The following SLC4A4 variants were observed in gnomAD, a reference collection of about 807,000 sequenced individuals.
The protein encoded by SLC4A4 is electrogenic sodium bicarbonate cotransporter 1.
In SLC4A4, 27 loss-of-function variants were observed where a neutral mutation model predicts 111.5. That is an observed-to-expected ratio of 0.24 (90% CI 0.18 to 0.33). The LOEUF (loss-of-function observed/expected upper bound fraction) is 0.33, where lower values mean the gene tolerates loss of function less well. Ranked by LOEUF, SLC4A4 falls within the 10% of genes least tolerant of loss-of-function variation. The pLI, the probability that SLC4A4 is intolerant of heterozygous loss-of-function variation, is 1.00. For synonymous variants in SLC4A4, 443 were observed against 463.4 expected (o/e 0.96, Z 0.57); for missense variants, 909 against 1,315.5 (o/e 0.69, Z 4.78).
chr4:71,320,651 T>C (rs1727049347), intron 3 of SLC4A4, among the ~76,000 whole-genome samples: 1 of 152,050 alleles, frequency 6.6e-6, no homozygotes, highest in African/African-American at 2.4e-5. Flanking sequence ...TTTGAGCTTA[T>C]GCAGGTCTTA....
chr4:71,453,700 G>T (rs759419434), intron 12 of SLC4A4, 31 bp downstream of exon 12: 2 of 1,610,444 alleles, frequency 1.2e-6, no homozygotes, highest in East Asian at 2.2e-5. Flanking sequence ...GACACAAATA[G>T]TACAGCCCAG....
At chr4:71,367,154 G>A (rs1731410708) in intron 6 of SLC4A4, among the ~76,000 whole-genome samples, 1 of 152,208 alleles carries the variant, frequency 6.6e-6, no homozygotes, top group South Asian at 2.1e-4. Context: ...TACACTGACA[G>A]GTTGAGGGGA....
intron 2 of SLC4A4, among the ~76,000 whole-genome samples, chr4:71,153,033 G>GTGTGTATATATATATATA (rs386400441): frequency 7.8e-4 from 103 of 132,704 alleles, no homozygotes; most frequent in African/African-American, 2.5e-3. Flanking sequence ...ATATGTGTGT[G>GTGTGTATATATATATATA]TATATATATA....
chr4:71,510,815 CTT>C (rs548938670), intron 16 of SLC4A4, among the ~76,000 whole-genome samples: 11 of 151,768 alleles, frequency 7.2e-5, no homozygotes, highest in African/African-American at 2.7e-4. Flanking sequence ...TGTTGTTTTC[CTT>C]TGTGATTAGA....
intron 23 of SLC4A4, among the ~76,000 whole-genome samples, chr4:71,562,794 C>CT (rs1394953851): frequency 6.7e-6 from 1 of 150,322 alleles, no homozygotes; most frequent in Non-Finnish European, 1.5e-5. Context: ...ATTTTTTTTT[C>CT]TTTTTTGCTC....
intron 2 of SLC4A4, among the ~76,000 whole-genome samples, chr4:71,128,989 A>G (rs1380438323): frequency 6.6e-6 from 1 of 152,144 alleles, no homozygotes; most frequent in Non-Finnish European, 1.5e-5. Flanking sequence ...ACTTAAATGT[A>G]AGGCCTAAAA....
At chr4:71,433,194 T>A (rs72852201) in intron 7 of SLC4A4, among the ~76,000 whole-genome samples, 1,710 of 151,784 alleles carry the variant, frequency 0.011, 31 homozygotes, top group African/African-American at 0.039. Context: ...AGCTTACTAG[T>A]ATTTCACTGC....
intron 2 of SLC4A4, among the ~76,000 whole-genome samples, chr4:71,093,608 A>T (rs1336339192): frequency 6.6e-6 from 1 of 152,222 alleles, no homozygotes. Context: ...TAGCTTCAGC[A>T]ATTTAAACTC....
intron 1 of SLC4A4, among the ~76,000 whole-genome samples, chr4:71,212,370 C>T (rs1311029968): frequency 6.6e-6 from 1 of 152,122 alleles, no homozygotes; most frequent in African/African-American, 2.4e-5. Context: ...TGGATCTAGG[C>T]AGAATTATGT....
At chr4:71,535,273 A>G (rs1734316942) in intron 18 of SLC4A4, among the ~76,000 whole-genome samples, 3 of 152,200 alleles carry the variant, frequency 2.0e-5, no homozygotes, top group Admixed American at 2.0e-4. Flanking sequence ...CACAGTAGGT[A>G]TAGCAGGAAA....
At chr4:71,172,646 G>T (rs536129749) in intron 2 of SLC4A4, among the ~76,000 whole-genome samples, 1 of 152,346 alleles carries the variant, frequency 6.6e-6, no homozygotes, top group African/African-American at 2.4e-5. Context: ...AGATATGTTG[G>T]CCTTTGCCAC....
chr4:71,217,500 T>C (rs1383983341), intron 1 of SLC4A4, among the ~76,000 whole-genome samples: 2 of 152,012 alleles, frequency 1.3e-5, no homozygotes, highest in African/African-American at 4.8e-5. Flanking sequence ...GAGGTGGAGA[T>C]TGTCATGAGC....
intron 8 of SLC4A4, among the ~76,000 whole-genome samples, chr4:71,446,783 TA>T (rs1317494216): frequency 6.6e-6 from 1 of 152,258 alleles, no homozygotes; most frequent in African/African-American, 2.4e-5. Context: ...AGGTGGGATT[TA>T]TCCCACGTCA....
intron 20 of SLC4A4, among the ~76,000 whole-genome samples, chr4:71,554,389 CAGT>C (rs1736286016): frequency 6.6e-6 from 1 of 151,764 alleles, no homozygotes; most frequent in East Asian, 1.9e-4. Flanking sequence ...TTAGTTTCCT[CAGT>C]ACTAGGGACA....
chr4:71,464,228 G>A (rs778854709), intron 12 of SLC4A4, among the ~76,000 whole-genome samples: 1 of 152,168 alleles, frequency 6.6e-6, no homozygotes, highest in Non-Finnish European at 1.5e-5. Context: ...GTCTGGTTGG[G>A]CAAGTACATA....
At chr4:71,363,336 T>C (rs1730969862) in intron 6 of SLC4A4, among the ~76,000 whole-genome samples, 1 of 152,214 alleles carries the variant, frequency 6.6e-6, no homozygotes, top group Admixed American at 6.5e-5. Flanking sequence ...TGGTTTGATA[T>C]TAGATCCAGA....
intron 15 of SLC4A4, among the ~76,000 whole-genome samples, chr4:71,491,732 T>A (rs1432620411): frequency 6.6e-6 from 1 of 151,906 alleles, no homozygotes; most frequent in Non-Finnish European, 1.5e-5. Flanking sequence ...AGCTCACATT[T>A]ATTTTAACAT....
At chr4:71,324,360 A>G (rs1402470191) in intron 3 of SLC4A4, among the ~76,000 whole-genome samples, 1 of 152,026 alleles carries the variant, frequency 6.6e-6, no homozygotes, top group Non-Finnish European at 1.5e-5. Flanking sequence ...TAGTCTTGGA[A>G]TATTGAAATA....
chr4:71,374,945 T>C (rs1732215570), intron 6 of SLC4A4, among the ~76,000 whole-genome samples: 1 of 152,196 alleles, frequency 6.6e-6, no homozygotes, highest in Admixed American at 6.5e-5. Context: ...CTTTCTCCCT[T>C]CTTTCGGACT....
Sources: gnomAD v4.1 joint callset for allele counts (sites outside exome capture counted in the v4.1 genomes callset) on GRCh38, gnomAD v4.1.1 for gene constraint, MANE v1.5 for transcripts, NCBI Gene and HGNC (gene_info 2026-07-23, HGNC 2026-07-21) for gene names.